Variants in ADARB2 observed in about 807,000 individuals in gnomAD.
ADARB2 encodes the protein inactive double-stranded RNA-specific editase B2.
In ADARB2, 25 loss-of-function variants were observed where a neutral mutation model predicts 62.2. The ratio of observed to expected loss-of-function variants is 0.40; its 90% CI spans 0.29 to 0.56. The LOEUF (loss-of-function observed/expected upper bound fraction) is 0.56, where lower values mean the gene tolerates loss of function less well. Ranked by LOEUF, ADARB2 falls within the 20% of genes least tolerant of loss-of-function variation. The probability of loss-of-function intolerance (pLI) is 0.43; values close to 1 mark genes in which losing one functional copy is unlikely to be tolerated. For synonymous variants in ADARB2, 572 were observed against 500.8 expected (o/e 1.14, Z -1.90); for missense variants, 1,071 against 1,077.4 (o/e 0.99, Z 0.08).
At chr10:1,686,645 C>T (rs1327340179) in intron 1 of ADARB2, among the ~76,000 whole-genome samples, 1 of 152,078 alleles carries the variant, frequency 6.6e-6, no homozygotes, top group Non-Finnish European at 1.5e-5. Flanking sequence ...ATGGTGCACC[C>T]TGGCTTGTCT....
At chr10:1,189,501 C>T (rs75343418) in intron 8 of ADARB2, among the ~76,000 whole-genome samples, 2 of 152,048 alleles carry the variant, frequency 1.3e-5, no homozygotes, top group Admixed American at 6.5e-5. Context: ...GAAATGAAAG[C>T]CTGGCTTGTG....
intron 3 of ADARB2, among the ~76,000 whole-genome samples, chr10:1,358,182 G>T (rs571717587): frequency 2.0e-5 from 3 of 152,336 alleles, no homozygotes; most frequent in Non-Finnish European, 2.9e-5. Flanking sequence ...AATTGGTCAT[G>T]ATTTTTCTGC....
At chr10:1,697,233 T>C (rs1357879418) in intron 1 of ADARB2, among the ~76,000 whole-genome samples, 1 of 152,196 alleles carries the variant, frequency 6.6e-6, no homozygotes, top group Non-Finnish European at 1.5e-5. Context: ...CCCACAGCCC[T>C]GTGGCAAGAG....
chr10:1,451,406 G>A (rs1288112689), intron 1 of ADARB2, among the ~76,000 whole-genome samples: 3 of 152,210 alleles, frequency 2.0e-5, no homozygotes, highest in African/African-American at 7.2e-5. Context: ...GACTCATAGG[G>A]CCAAGTGAGG....
intron 2 of ADARB2, among the ~76,000 whole-genome samples, chr10:1,370,306 A>T (rs1033811208): frequency 6.6e-6 from 1 of 152,202 alleles, no homozygotes; most frequent in South Asian, 2.1e-4. Context: ...CATACCTCAA[A>T]ATAATAAAAG....
chr10:1,348,948 A>T (rs113631237), intron 3 of ADARB2, among the ~76,000 whole-genome samples: 1 of 152,164 alleles, frequency 6.6e-6, no homozygotes, highest in African/African-American at 2.4e-5. Context: ...GGCCTGTGTG[A>T]CAATGGGGGA....
intron 1 of ADARB2, among the ~76,000 whole-genome samples, chr10:1,481,011 T>TCTC (rs1831463379): frequency 6.6e-6 from 1 of 152,168 alleles, no homozygotes. Flanking sequence ...GTCAAAATAA[T>TCTC]CTTTAAGAAA....
In ADARB2 at chr10:1,737,135, C is replaced by T; in HGVS notation, c.16G>A (p.Gly6Arg). The T allele has an allele frequency of 6.2e-7, 1 of 1,608,820 alleles. No homozygotes were observed. The highest frequency in any genetic ancestry group is 8.5e-7 in the Non-Finnish European group (1 of 1,179,866). The change falls in exon 1 of 10, where the codon GGG (glycine) becomes AGG (arginine). Residue 6 changes from glycine to arginine, a missense_variant. By Grantham distance (125) the Gly-to-Arg change is moderately radical. Transcript: ENST00000381312. Reference sequence around the variant, plus strand: ...AGCCCTCCAGACCCTCTGCCGCTCCCCAGGACCGAGGCCATGGCCGAGACC... The same window carrying T: ...AGCCCTCCAGACCCTCTGCCGCTCCTCAGGACCGAGGCCATGGCCGAGACC... Reference protein sequence around the residue: MASVLGSGRGSGGLSS... With the variant: MASVLRSGRGSGGLSS...
chr10:1,621,240 A>G (rs1450313179), intron 1 of ADARB2, among the ~76,000 whole-genome samples: 1 of 152,228 alleles, frequency 6.6e-6, no homozygotes, highest in East Asian at 1.9e-4. Context: ...AACAAAAAAT[A>G]TATTAGAACT....
At chr10:1,627,849 G>T (rs748832808) in intron 1 of ADARB2, among the ~76,000 whole-genome samples, 1 of 152,112 alleles carries the variant, frequency 6.6e-6, no homozygotes, top group Non-Finnish European at 1.5e-5. Context: ...CTGTCTCTTT[G>T]GTCATGTTTG....
intron 6 of ADARB2, among the ~76,000 whole-genome samples, chr10:1,217,995 T>C (rs1048074438): frequency 4.0e-5 from 6 of 151,514 alleles, no homozygotes; most frequent in Admixed American, 1.3e-4. Context: ...AGAACTAGCA[T>C]GAGCAAGAGG....
At chr10:1,472,163 C>A (rs1831331109) in intron 1 of ADARB2, among the ~76,000 whole-genome samples, 1 of 152,160 alleles carries the variant, frequency 6.6e-6, no homozygotes, top group African/African-American at 2.4e-5. Context: ...TGCTTCTTTA[C>A]AGCAAACTCA....
intron 1 of ADARB2, among the ~76,000 whole-genome samples, chr10:1,641,602 A>G (rs1010701528): frequency 6.6e-6 from 1 of 152,240 alleles, no homozygotes; most frequent in African/African-American, 2.4e-5. Flanking sequence ...CTTTGCTGCG[A>G]GAGTGTGGCT....
At position 1,363,604 on chromosome 10, in the gene ADARB2, G is replaced by A. The variant is rs1215418981; in HGVS notation, c.501C>T (p.Phe167=). 4 of 1,600,876 alleles carry A rather than the reference G, an allele frequency of 2.5e-6. 1 individual carries two copies. In the Admixed American group the frequency reaches 6.8e-5, roughly 27 times the overall value. The stretch of plus-strand genomic sequence containing the variant: ...TCTTCTTGGTGGGGCCTGTGCCCTC[G>A]AACGTGAGCCCGTTCACCTCCACCG... ...AVAVEVNGLT[F]EGTGPTKKKA... Residue 167 remains phenylalanine (F), a synonymous_variant, in exon 3 of 10, where the codon TTC becomes TTT. Transcript: ENST00000381312.
chr10:1,276,140 C>G (rs1209577718), intron 3 of ADARB2, among the ~76,000 whole-genome samples: 1 of 152,080 alleles, frequency 6.6e-6, no homozygotes, highest in Non-Finnish European at 1.5e-5. Context: ...AAAAGTGTTC[C>G]TATTTCTCCA....
At chr10:1,526,663 C>G in intron 1 of ADARB2, 1 of 235,118 alleles carries the variant, frequency 4.3e-6, no homozygotes, top group South Asian at 3.6e-5. Context: ...GCTGGTGCCA[C>G]GCTTCCTGTA....
At chr10:1,588,874 C>A (rs901632980) in intron 1 of ADARB2, among the ~76,000 whole-genome samples, 2 of 152,214 alleles carry the variant, frequency 1.3e-5, no homozygotes, top group African/African-American at 4.8e-5. Context: ...GCAGCATGGC[C>A]TCCGATGCTT....
rs541754284 is a variant in ADARB2, at chr10:1,724,644, G to A, written c.100+12407C>T. ...CTGCCTCAGTGAGCCACAGCCTGGT[G>A]GGGTCCTGGAAGAGCTTCAGGTCCC... is the stretch of plus-strand genomic sequence containing the variant. On this transcript the variant is annotated intron_variant, in intron 1 of 9. Transcript: ENST00000381312. 1.7e-4 allele frequency among the ~76,000 whole-genome samples: 26 copies of A among 152,322 alleles called. No individual in the cohort carries two copies. In the South Asian group the frequency reaches 5.2e-3, roughly 30 times the overall value.
chr10:1,275,539 G>T (rs1420702976), intron 3 of ADARB2, among the ~76,000 whole-genome samples: 2 of 151,764 alleles, frequency 1.3e-5, no homozygotes, highest in Non-Finnish European at 2.9e-5. Context: ...TAAGTTTTAG[G>T]GTACATGTGC....
Sources: gnomAD v4.1 joint callset for allele counts (sites outside exome capture counted in the v4.1 genomes callset) on GRCh38, gnomAD v4.1.1 for gene constraint, MANE v1.5 for transcripts, NCBI Gene and HGNC (gene_info 2026-07-23, HGNC 2026-07-21) for gene names.